The following HCN4 variants were observed in gnomAD, a reference collection of about 807,000 sequenced individuals.
HCN4 encodes hyperpolarization activated cyclic nucleotide gated potassium channel 4.
HCN4 carries 29 observed loss-of-function variants against 76.9 expected under a neutral mutation model. The ratio of observed to expected loss-of-function variants is 0.38; its 90% CI spans 0.28 to 0.51. The LOEUF (loss-of-function observed/expected upper bound fraction) is 0.51, where lower values mean the gene tolerates loss of function less well. Among genes scored for constraint, HCN4 ranks in the 20% least tolerant of loss-of-function variants. The probability of loss-of-function intolerance (pLI) is 0.90; values close to 1 mark genes in which losing one functional copy is unlikely to be tolerated. For synonymous variants in HCN4, 772 were observed against 762.5 expected, an observed-to-expected ratio of 1.01 and a Z score of -0.21; for missense variants, 1,416 against 1,715.2, an observed-to-expected ratio of 0.83 and a Z score of 3.08.
chr15:73,338,450 C>A (rs2042979520), intron 2 of HCN4, among the ~76,000 whole-genome samples: 1 of 152,210 alleles, frequency 6.6e-6, no homozygotes. Flanking sequence ...AGAGCCACTG[C>A]CTTTTCCACC....
At chr15:73,363,567 G>T (rs1322554726) in intron 1 of HCN4, among the ~76,000 whole-genome samples, 1 of 152,120 alleles carries the variant, frequency 6.6e-6, no homozygotes, top group Non-Finnish European at 1.5e-5. Context: ...CAACTTAGGG[G>T]GCCACAGACA....
chr15:73,360,811 T>C (rs1403104102), intron 1 of HCN4, among the ~76,000 whole-genome samples: 3 of 152,238 alleles, frequency 2.0e-5, no homozygotes, highest in Admixed American at 2.0e-4. Flanking sequence ...GGCTTTAGTC[T>C]CTGTTGATTT....
chr15:73,325,511 C>T lies in HCN4; in HGVS notation c.1591-67G>A. ...GGGCGTCAGCAGCCAGCCCCACCAC[C>T]TCGGCAGGCACCACATCCGGGCACC... is the stretch of plus-strand genomic sequence containing the variant. On this transcript the variant is annotated intron_variant, in intron 4 of 7. Coordinates refer to ENST00000261917, the MANE Select transcript of HCN4 (RefSeq NM_005477.3). This position sits in a 1 kb window ranked among gnomAD's most constrained non-coding sequence, Gnocchi z 7.4. 1.3e-6 allele frequency: 2 copies of T among 1,548,888 alleles called. No individual in the cohort carries two copies. Among genetic ancestry groups the T allele is most frequent in the Non-Finnish European group, 1.8e-6 (2 of 1,120,850 alleles).
At chr15:73,349,776 C>T (rs2043045507) in intron 1 of HCN4, among the ~76,000 whole-genome samples, 1 of 152,192 alleles carries the variant, frequency 6.6e-6, no homozygotes, top group African/African-American at 2.4e-5. Flanking sequence ...CTGCCTGTGG[C>T]AGAAACGTCT....
chr15:73,366,154 G>C (rs1367057193), intron 1 of HCN4, among the ~76,000 whole-genome samples: 10 of 152,140 alleles, frequency 6.6e-5, no homozygotes, highest in Non-Finnish European at 2.9e-5. Context: ...GAGATATTAG[G>C]GTTAGGAAGA....
At chr15:73,364,223 A>G (rs2043118727) in intron 1 of HCN4, among the ~76,000 whole-genome samples, 1 of 152,052 alleles carries the variant, frequency 6.6e-6, no homozygotes, top group Non-Finnish European at 1.5e-5. Context: ...CGCAGCAGCA[A>G]TCCCAGAACT....
At position 73,323,701 on chromosome 15, in the gene HCN4, G is replaced by A. The variant is rs2042879920; in HGVS notation, c.2392C>T (p.His798Tyr). The change falls in exon 8 of 8, where the codon CAC becomes TAC. Residue 798 changes from histidine (H) to tyrosine (Y), a missense_variant. By Grantham distance (83) the His-to-Tyr change is moderately conservative. Transcript: ENST00000261917. Reference protein sequence around the residue: ...TTSVAIALTHHPRLPAAIFRP... With the variant: ...TTSVAIALTHYPRLPAAIFRP... The stretch of plus-strand genomic sequence containing the variant: ...AAGATGGCAGCAGGCAGGCGAGGGT[G>A]GTGGGTGAGGGCTATGGCCACAGAA... The A allele has an allele frequency of 6.3e-7, 1 of 1,596,160 alleles. No individual in the cohort carries two copies. Among genetic ancestry groups the A allele is most frequent in the Admixed American group, 1.7e-5 (1 of 59,474 alleles).
At chr15:73,341,637 C>A (rs565323425) in intron 2 of HCN4, among the ~76,000 whole-genome samples, 2 of 152,134 alleles carry the variant, frequency 1.3e-5, no homozygotes, top group Non-Finnish European at 2.9e-5. Context: ...TCCACTACAC[C>A]GGGGTGGGAC....
In HCN4 at chr15:73,357,004, A is replaced by C. The variant is rs542274716; in HGVS notation, c.785+10482T>G. 2.0e-5 allele frequency among the ~76,000 whole-genome samples: 3 copies of C among 152,176 alleles called. 1 individual carries two copies. Among genetic ancestry groups the C allele is most frequent in the Admixed American group, 1.3e-4 (2 of 15,290 alleles). On this transcript the variant is annotated intron_variant, in intron 1 of 7. Coordinates refer to ENST00000261917, the MANE Select transcript of HCN4 (RefSeq NM_005477.3). ...TGCAGATGGGGGCTTGGGGATGCCC[A>C]GCTCATTGGCTCCCAAAGTGATGGA...
At chr15:73,340,634 C>T (rs2042995589) in intron 2 of HCN4, among the ~76,000 whole-genome samples, 1 of 152,212 alleles carries the variant, frequency 6.6e-6, no homozygotes, top group Non-Finnish European at 1.5e-5. Context: ...CATCTCTGCA[C>T]ATCTCTGTCT....
rs2151212544 is a variant in HCN4, at chr15:73,319,923, A to G, written c.*2558T>C. On this transcript the variant is annotated 3_prime_UTR_variant, in exon 8 of 8. Transcript: ENST00000261917. ...GCGCATTTACCGGTTTCTGTTTTAA[A>G]AGTGGATTTGAAAATTCCTTGTAGG... 1 of 152,356 alleles carries G rather than the reference A, an allele frequency of 6.6e-6. No homozygotes were observed. The allele number at this position is 152,356 out of a possible 1,614,324, so 9.4% of individuals were successfully genotyped here.
Position 73,327,950 on chromosome 15 carries a change from C to A in HCN4, c.1590+1623G>T, listed in dbSNP as rs572056168. Among the ~76,000 whole-genome samples the A allele has an allele frequency of 2.6e-5, 4 of 152,328 alleles. No individual in the cohort carries two copies. In the East Asian group the frequency reaches 7.7e-4, roughly 29 times the overall value. On this transcript the variant is annotated intron_variant, in intron 4 of 7. Transcript: ENST00000261917. ...ACCAAAGGACAGTGCCTGGGACAGG[C>A]AGGCAGGCAGTGAATCCACAAATGC...
Position 73,323,831 on chromosome 15 carries a change from G to C in HCN4, c.2262C>G (p.His754Gln). The change falls in exon 8 of 8, where the codon CAC becomes CAG. Residue 754 changes from histidine (H) to glutamine (Q), a missense_variant. Physicochemically the swap from His to Gln is conservative, Grantham distance 24. Around this residue, in one of 6 missense-constraint regions of HCN4, gnomAD observed 241 missense variants for 379.4 expected, o/e 0.64. Coordinates refer to ENST00000261917, the MANE Select transcript of HCN4 (RefSeq NM_005477.3). ...CAGCAGCCTGGACGCGGTGCGCGCA[G>C]TGGGCCATCTCCCGGTCATGCTGCA... ...QIVQHDREMAHCAHRVQAAAS... is the reference protein window; with the variant it reads ...QIVQHDREMAQCAHRVQAAAS... 1 of 1,606,054 alleles carries C rather than the reference G, an allele frequency of 6.2e-7. No homozygotes were observed. The highest frequency in any genetic ancestry group is 8.5e-7 in the Non-Finnish European group (1 of 1,179,916).
chr15:73,345,351 G>A (rs1387597687), intron 1 of HCN4, among the ~76,000 whole-genome samples: 5 of 152,148 alleles, frequency 3.3e-5, no homozygotes, highest in African/African-American at 4.8e-5. Context: ...AAGCTCTTCA[G>A]GGCCTCAAGA....
chr15:73,333,804 A>G (rs1031194020), intron 2 of HCN4, among the ~76,000 whole-genome samples: 2 of 152,182 alleles, frequency 1.3e-5, no homozygotes, highest in African/African-American at 4.8e-5. Flanking sequence ...TTAAACTCAC[A>G]AAAATCCTTT....
chr15:73,323,544 T>C lies in HCN4; in HGVS notation c.2549A>G (p.Asp850Gly), dbSNP rs1471693920. 6.2e-7 allele frequency: 1 copy of C among 1,600,920 alleles called. No homozygotes were observed. The highest frequency in any genetic ancestry group is 1.3e-5 in the African/African-American group (1 of 75,018). ...GTGGAAGGAGGATGAAGACGGTGTGTCCACCTGGGACGGGCTGCTGGCGGG... is the reference window on the plus strand; with the variant it reads ...GTGGAAGGAGGATGAAGACGGTGTGCCCACCTGGGACGGGCTGCTGGCGGG... ...ASPASSPSQVDTPSSSSFHIQ... is the reference protein window; with the variant it reads ...ASPASSPSQVGTPSSSSFHIQ... Residue 850 changes from aspartate to glycine, a missense_variant, in exon 8 of 8, where the codon GAC becomes GGC. By Grantham distance (94) the Asp-to-Gly change is moderately conservative (BLOSUM62 -1). This residue lies in a region of HCN4 where 633 missense variants were observed against 579.8 expected (regional missense o/e 1.09). Transcript: ENST00000261917.
In HCN4 at chr15:73,320,125, C is replaced by T. The variant is rs1380971332; in HGVS notation, c.*2356G>A. On this transcript the variant is annotated 3_prime_UTR_variant, in exon 8 of 8. Coordinates refer to ENST00000261917, the MANE Select transcript of HCN4 (RefSeq NM_005477.3). ...TGGCCCTGGACCCTCCACCTTCACC[C>T]CTGCTGCCTCCAGGACAAGACTGTG... 1 of 152,488 alleles carries T rather than the reference C, an allele frequency of 6.6e-6. No homozygotes were observed. The highest frequency in any genetic ancestry group is 1.5e-5 in the Non-Finnish European group (1 of 68,288). 9.4% of individuals were successfully genotyped at this position (152,488 alleles called of 1,614,324 possible).
At chr15:73,348,218 T>C (rs1223047522) in intron 1 of HCN4, among the ~76,000 whole-genome samples, 1 of 152,158 alleles carries the variant, frequency 6.6e-6, no homozygotes, top group African/African-American at 2.4e-5. Context: ...GGCCCTCTCC[T>C]TCCCTGGAGG....
rs375911378 is a variant in HCN4, at chr15:73,322,562, C to G, written c.3531G>C (p.Gly1177=). 4 of 1,606,896 alleles carry G rather than the reference C, an allele frequency of 2.5e-6. No homozygotes were observed. In the Admixed American group the frequency reaches 5.1e-5, roughly 20 times the overall value. The change falls in exon 8 of 8, where the codon GGG becomes GGC. Residue 1177 remains glycine, a synonymous_variant. Transcript: ENST00000261917. ...TCTGGGGTCCAGCAGTCAGAGGGGGCCCCCCAGAAGAGGTGGCTCTTGCCC... is the reference window on the plus strand; with the variant it reads ...TCTGGGGTCCAGCAGTCAGAGGGGGGCCCCCAGAAGAGGTGGCTCTTGCCC... ...LFGARATSSG[G]PPLTAGPQRE... is the part of the protein sequence containing the mutation.
Sources: gnomAD v4.1 joint callset for allele counts (sites outside exome capture counted in the v4.1 genomes callset) on GRCh38, gnomAD v4.1.1 for gene constraint, gnomAD v4.1.1 regional missense constraint, Gnocchi (gnomAD v3.1) non-coding constraint, MANE v1.5 for transcripts, NCBI Gene and HGNC (gene_info 2026-07-23, HGNC 2026-07-21) for gene names.